EPM2A: variants seen among roughly 807,000 people sequenced by gnomAD.
EPM2A encodes the protein laforin.
Under a neutral mutation model 26.5 loss-of-function variants are expected in EPM2A, and 21 were observed. That is an observed-to-expected ratio of 0.79 (90% confidence interval 0.56 to 1.14). The LOEUF is 1.14. Ranked by LOEUF, EPM2A falls within the 50% of genes most tolerant of loss-of-function variation. EPM2A has a pLI of 0.00. For synonymous variants in EPM2A, 217 were observed against 177.6 expected, an observed-to-expected ratio of 1.22 and a Z score of -1.76; for missense variants, 458 against 440.8, an observed-to-expected ratio of 1.04 and a Z score of -0.35.
intron 2 of EPM2A, among the ~76,000 whole-genome samples, chr6:145,561,217 T>C (rs1030707018): frequency 6.6e-6 from 1 of 151,858 alleles, no homozygotes; most frequent in African/African-American, 2.4e-5. Context: ...TGTGTTTAAA[T>C]TGCCTGTGGT....
chr6:145,531,945 C>T (rs560792276), intron 2 of EPM2A, among the ~76,000 whole-genome samples: 3 of 152,314 alleles, frequency 2.0e-5, no homozygotes, highest in African/African-American at 4.8e-5. Flanking sequence ...ACACTCCCTT[C>T]CCAGCTTCTA....
intron 2 of EPM2A, among the ~76,000 whole-genome samples, chr6:145,569,416 G>A (rs1056303266): frequency 3.3e-5 from 5 of 152,164 alleles, no homozygotes; most frequent in Admixed American, 1.3e-4. Context: ...ATTACAAAAA[G>A]CTTTGTACAA....
Position 145,626,016 on chromosome 6 carries a change from A to G in EPM2A, c.*1400T>C. 1 of 1,123,304 alleles carries G rather than the reference A, an allele frequency of 8.9e-7. No homozygotes were observed. The highest frequency in any genetic ancestry group is 1.6e-5 in the African/African-American group (1 of 64,158). The allele number at this position is 1,123,304 out of a possible 1,614,324, so 69.6% of individuals were successfully genotyped here. A position where few individuals can be genotyped will look rare whatever the true frequency, so the allele number is the denominator to read the frequency against. The stretch of plus-strand genomic sequence containing the variant: ...CAGTTGAGTTAACCCTTCTGACCTT[A>G]GTTTCCCCATCTTTATCATGGAGAT... On this transcript the variant is annotated 3_prime_UTR_variant, in exon 4 of 4. Coordinates refer to ENST00000367519, the MANE Select transcript of EPM2A (RefSeq NM_005670.4).
chr6:145,588,919 G>C (rs530546340), intron 2 of EPM2A, among the ~76,000 whole-genome samples: 2 of 152,280 alleles, frequency 1.3e-5, no homozygotes, highest in East Asian at 3.9e-4. Flanking sequence ...GTAGAAGGTA[G>C]AACTACTAAA....
At chr6:145,611,003 A>T (rs1174842172) in intron 2 of EPM2A, among the ~76,000 whole-genome samples, 1 of 152,216 alleles carries the variant, frequency 6.6e-6, no homozygotes, top group Admixed American at 6.5e-5. Context: ...ACATTTGATA[A>T]CAGTTCTATA....
intron 2 of EPM2A, among the ~76,000 whole-genome samples, chr6:145,526,992 T>C (rs1490181905): frequency 6.6e-6 from 1 of 152,066 alleles, no homozygotes; most frequent in Non-Finnish European, 1.5e-5. Flanking sequence ...TATCTCTGTT[T>C]TCATTTACTT....
intron 4 of EPM2A, among the ~76,000 whole-genome samples, chr6:145,443,561 G>A (rs373457397): frequency 2.2e-4 from 34 of 152,272 alleles, no homozygotes; most frequent in African/African-American, 7.7e-4. Context: ...GAATGCTACT[G>A]ACTTTCATAC....
chr6:145,526,778 T>G (rs1463201734), intron 2 of EPM2A, among the ~76,000 whole-genome samples: 1 of 152,128 alleles, frequency 6.6e-6, no homozygotes, highest in Non-Finnish European at 1.5e-5. Flanking sequence ...GTTCTCAATT[T>G]CATTCAGTTT....
intron 2 of EPM2A, among the ~76,000 whole-genome samples, chr6:145,539,588 C>T (rs1562375106): frequency 6.6e-6 from 1 of 152,104 alleles, no homozygotes; most frequent in Non-Finnish European, 1.5e-5. Flanking sequence ...TTATGTCTTT[C>T]CAAAACACTT....
intron 1 of EPM2A, among the ~76,000 whole-genome samples, chr6:145,710,167 A>G (rs1012814041): frequency 6.6e-6 from 1 of 152,172 alleles, no homozygotes; most frequent in African/African-American, 2.4e-5. Context: ...AACTACCATC[A>G]GAGTGAACAG....
chr6:145,386,184 G>T (rs1478459300), intron 4 of EPM2A, among the ~76,000 whole-genome samples: 1 of 152,068 alleles, frequency 6.6e-6, no homozygotes, highest in Admixed American at 6.6e-5. Context: ...CAAGGTAGTT[G>T]TAATTATTTT....
chr6:145,533,224 C>T (rs1489620375), intron 2 of EPM2A, among the ~76,000 whole-genome samples: 1 of 152,122 alleles, frequency 6.6e-6, no homozygotes, highest in Non-Finnish European at 1.5e-5. Flanking sequence ...TCTGATCCAT[C>T]ATCAAATCCT....
At chr6:145,577,534 C>T (rs749153312) in intron 2 of EPM2A, among the ~76,000 whole-genome samples, 8 of 151,948 alleles carry the variant, frequency 5.3e-5, no homozygotes, top group South Asian at 4.2e-4. Context: ...CTGGATCACC[C>T]ACATATATAA....
At chr6:145,659,915 C>CT (rs537520317) in intron 2 of EPM2A, among the ~76,000 whole-genome samples, 3 of 151,860 alleles carry the variant, frequency 2.0e-5, no homozygotes, top group Non-Finnish European at 4.4e-5. Flanking sequence ...CTTCATTTTG[C>CT]TTTTTTTTAA....
Position 145,627,879 on chromosome 6 carries a change from T to G in EPM2A, c.719-186A>C. On this transcript the variant is annotated intron_variant, in intron 3 of 3. Coordinates refer to ENST00000367519, the MANE Select transcript of EPM2A (RefSeq NM_005670.4). ...ATTTTACAATCTGCTAATAGCAAAGTGGAAAGAGCATTCCAGAGGCCAGAG... is the reference window on the plus strand; with the variant it reads ...ATTTTACAATCTGCTAATAGCAAAGGGGAAAGAGCATTCCAGAGGCCAGAG... The G allele has an allele frequency of 3.8e-6, 3 of 787,200 alleles. No individual in the cohort carries two copies. The South Asian group carries it at 5.3e-5, about 14-fold the overall frequency. The allele number at this position is 787,200 out of a possible 1,614,324, so 48.8% of individuals were successfully genotyped here. A position where few individuals can be genotyped will look rare whatever the true frequency, so the allele number is the denominator to read the frequency against.
At chr6:145,553,288 C>T (rs972750789) in intron 2 of EPM2A, among the ~76,000 whole-genome samples, 1 of 152,124 alleles carries the variant, frequency 6.6e-6, no homozygotes, top group Non-Finnish European at 1.5e-5. Flanking sequence ...ACAACTTACC[C>T]TTCTTGGGTA....
chr6:145,464,503 A>G (rs1779362746), intron 4 of EPM2A, among the ~76,000 whole-genome samples: 1 of 152,094 alleles, frequency 6.6e-6, no homozygotes, highest in Non-Finnish European at 1.5e-5. Context: ...CCATGATGGG[A>G]AAAAAATGTA....
At chr6:145,539,466 G>A (rs186001704) in intron 2 of EPM2A, among the ~76,000 whole-genome samples, 2 of 152,290 alleles carry the variant, frequency 1.3e-5, no homozygotes, top group African/African-American at 2.4e-5. Flanking sequence ...CTAAATGTAA[G>A]GATTTGCCCT....
chr6:145,624,696 T>C (rs1445080385), downstream of EPM2A, among the ~76,000 whole-genome samples: 2 of 152,344 alleles, frequency 1.3e-5, no homozygotes, highest in East Asian at 3.9e-4. Flanking sequence ...TCTTCAGTGA[T>C]TTTTCATGTG....
Sources: allele counts gnomAD v4.1 joint callset (sites outside exome capture counted in the v4.1 genomes callset), GRCh38; gene constraint gnomAD v4.1.1; transcripts MANE v1.5; gene names NCBI Gene and HGNC (gene_info 2026-07-23, HGNC 2026-07-21).